The following PIK3AP1 variants were observed in gnomAD, a reference collection of about 807,000 sequenced individuals.
PIK3AP1 encodes phosphoinositide-3-kinase adaptor protein 1.
Under a neutral mutation model 88.1 loss-of-function variants are expected in PIK3AP1, and 21 were observed. The observed-to-expected ratio is 0.24, with a 90% confidence interval of 0.17 to 0.34. The LOEUF (loss-of-function observed/expected upper bound fraction) is 0.34, where lower values mean the gene tolerates loss of function less well. Ranked by LOEUF, PIK3AP1 falls within the 10% of genes least tolerant of loss-of-function variation. The pLI, the probability that PIK3AP1 is intolerant of heterozygous loss-of-function variation, is 1.00. For synonymous variants in PIK3AP1, 398 were observed against 400.0 expected (o/e 1.00, Z 0.06); for missense variants, 828 against 1,035.7 (o/e 0.80, Z 2.75).
intron 14 of PIK3AP1, among the ~76,000 whole-genome samples, chr10:96,604,316 T>C (rs1848961741): frequency 6.7e-6 from 1 of 148,828 alleles, no homozygotes. Flanking sequence ...TAGCTGGGAC[T>C]ACAGGTGTGT....
At chr10:96,609,146 T>C (rs1849059782) in intron 14 of PIK3AP1, among the ~76,000 whole-genome samples, 2 of 152,226 alleles carry the variant, frequency 1.3e-5, no homozygotes, top group Admixed American at 6.5e-5. Flanking sequence ...TTCATTATTT[T>C]CTTTTTCTCT....
intron 2 of PIK3AP1, among the ~76,000 whole-genome samples, chr10:96,685,097 T>C (rs1369315952): frequency 6.6e-6 from 1 of 152,254 alleles, no homozygotes; most frequent in Non-Finnish European, 1.5e-5. Context: ...TGTAAACTTA[T>C]ACTGCTTTTG....
chr10:96,711,739 ATTTTTTTTT>A lies in PIK3AP1; in HGVS notation c.14-1765_14-1757del, dbSNP rs763923650. On this transcript the variant is annotated intron_variant, in intron 1 of 16. Transcript: ENST00000339364. Reference sequence around the variant, plus strand: ...ATTTCCCCCAGGATGAGATTACCAAATTTTTTTTTTTTTTTTTTTTTTTTTTTTTTAGAC... The same window carrying A: ...ATTTCCCCCAGGATGAGATTACCAAATTTTTTTTTTTTTTTTTTTTTAGAC... Among the ~76,000 whole-genome samples the A allele has an allele frequency of 2.5e-3, 164 of 66,450 alleles. 3 individuals carry two copies. Among genetic ancestry groups the A allele is most frequent in the South Asian group, 0.018 (23 of 1,260 alleles). 43.6% of individuals were successfully genotyped at this position (66,450 alleles called of 152,430 possible).
intron 16 of PIK3AP1, among the ~76,000 whole-genome samples, chr10:96,601,439 A>AC (rs1325966869): frequency 3.9e-5 from 5 of 128,742 alleles, no homozygotes; most frequent in African/African-American, 1.4e-4. Flanking sequence ...ACACCACTGC[A>AC]CTCCAGCCTG....
rs1589513059 is a variant in PIK3AP1 at position 96,648,086 on chromosome 10, A to T, written c.1185+573T>A. On this transcript the variant is annotated intron_variant, in intron 7 of 16. Coordinates refer to ENST00000339364, the MANE Select transcript of PIK3AP1 (RefSeq NM_152309.3). ...GTTAGAAAGAGAGAGCGAGGCTGTCAGCAGGAGGTGGGCCTTAGAGTTGCT... is the reference window on the plus strand; with the variant it reads ...GTTAGAAAGAGAGAGCGAGGCTGTCTGCAGGAGGTGGGCCTTAGAGTTGCT... Among the ~76,000 whole-genome samples, 3 of 152,346 alleles carry T rather than the reference A, an allele frequency of 2.0e-5. No homozygotes were observed. The Middle Eastern group carries it at 0.01, about 518-fold the overall frequency.
At chr10:96,649,211 T>G (rs1843503888) in intron 6 of PIK3AP1, among the ~76,000 whole-genome samples, 1 of 152,156 alleles carries the variant, frequency 6.6e-6, no homozygotes, top group African/African-American at 2.4e-5. Flanking sequence ...GCCCAGCTAA[T>G]TTTTGTATTT....
chr10:96,651,728 ACT>A, intron 4 of PIK3AP1, 77 bp from the exon 5 acceptor site: 2 of 1,502,542 alleles, frequency 1.3e-6, no homozygotes, highest in Non-Finnish European at 1.8e-6. Flanking sequence ...GGATATACAC[ACT>A]CCATCTGAGT....
intron 2 of PIK3AP1, among the ~76,000 whole-genome samples, chr10:96,708,574 C>CAAAAA (rs924470384): frequency 7.8e-5 from 1 of 12,824 alleles, no homozygotes; most frequent in Non-Finnish European, 1.9e-4. Flanking sequence ...GGATCTGTCT[C>CAAAAA]AAAAAAAAAA....
intron 8 of PIK3AP1, among the ~76,000 whole-genome samples, chr10:96,630,994 GC>G (rs1455833911): frequency 6.6e-6 from 1 of 152,018 alleles, no homozygotes; most frequent in East Asian, 1.9e-4. Context: ...CTGACCTTGG[GC>G]CCAGTTAATT....
intron 3 of PIK3AP1, among the ~76,000 whole-genome samples, chr10:96,653,843 T>C (rs1308383065): frequency 6.6e-6 from 1 of 152,238 alleles, no homozygotes; most frequent in Non-Finnish European, 1.5e-5. Flanking sequence ...TTGTTTTTAA[T>C]GAAATCATTG....
intron 13 of PIK3AP1, 109 bp downstream of exon 13, chr10:96,616,530 G>T: frequency 9.0e-7 from 1 of 1,110,040 alleles, no homozygotes; most frequent in Non-Finnish European, 1.4e-6. Flanking sequence ...ACAGTATGAC[G>T]AGTGCTGGGC....
At chr10:96,638,558 G>A (rs1013013748) in intron 8 of PIK3AP1, among the ~76,000 whole-genome samples, 1 of 152,042 alleles carries the variant, frequency 6.6e-6, no homozygotes, top group Non-Finnish European at 1.5e-5. Context: ...ATGAAGAAGG[G>A]GCTGCGGATA....
intron 2 of PIK3AP1, among the ~76,000 whole-genome samples, chr10:96,705,379 A>G (rs1172033569): frequency 1.3e-5 from 2 of 152,176 alleles, no homozygotes; most frequent in Non-Finnish European, 2.9e-5. Context: ...GCACGTCTGC[A>G]GTATCTACTC....
At chr10:96,696,503 A>G (rs1188440428) in intron 2 of PIK3AP1, among the ~76,000 whole-genome samples, 1 of 152,134 alleles carries the variant, frequency 6.6e-6, no homozygotes, top group Non-Finnish European at 1.5e-5. Flanking sequence ...TCTCAGACCT[A>G]CTCTGGGTCA....
intron 8 of PIK3AP1, among the ~76,000 whole-genome samples, chr10:96,631,599 A>G (rs1439165194): frequency 6.6e-6 from 1 of 152,202 alleles, no homozygotes; most frequent in African/African-American, 2.4e-5. Flanking sequence ...TAAAAAGAGA[A>G]AAGAACAAGC....
At chr10:96,717,938 T>C (rs1198895089) in intron 1 of PIK3AP1, among the ~76,000 whole-genome samples, 1 of 152,194 alleles carries the variant, frequency 6.6e-6, no homozygotes, top group East Asian at 1.9e-4. Flanking sequence ...AGACTAATGC[T>C]TCCCCTTCAG....
intron 3 of PIK3AP1, among the ~76,000 whole-genome samples, chr10:96,653,537 A>C (rs1157645309): frequency 1.7e-5 from 2 of 115,372 alleles, no homozygotes; most frequent in African/African-American, 3.4e-5. Flanking sequence ...CCCAGGCTGC[A>C]GTGCAGTGGT....
chr10:96,647,934 G>A (rs912973209), intron 7 of PIK3AP1, among the ~76,000 whole-genome samples: 11 of 152,164 alleles, frequency 7.2e-5, no homozygotes, highest in East Asian at 5.8e-4. Flanking sequence ...AGATGTAGAC[G>A]TGGGGTGCGA....
chr10:96,703,073 C>G (rs1436183), intron 2 of PIK3AP1, among the ~76,000 whole-genome samples: 18,443 of 152,092 alleles, frequency 0.12, 1,413 homozygotes, highest in South Asian at 0.23. Context: ...GACAGGGTTT[C>G]CACCACATTG....
Sources: gnomAD v4.1 joint callset for allele counts (sites outside exome capture counted in the v4.1 genomes callset) on GRCh38, gnomAD v4.1.1 for gene constraint, MANE v1.5 for transcripts, NCBI Gene and HGNC (gene_info 2026-07-23, HGNC 2026-07-21) for gene names.